The following ZMYND12 variants were observed in gnomAD, a reference collection of about 807,000 sequenced individuals.
The protein encoded by ZMYND12 is zinc finger MYND domain-containing protein 12.
A neutral mutation model predicts 41.7 loss-of-function variants in ZMYND12; 32 were observed. That is an observed-to-expected ratio of 0.77 (90% CI 0.58 to 1.03). The LOEUF is 1.03. ZMYND12 is among the 50% of genes least tolerant of loss of function. The pLI is 0.00. For synonymous variants in ZMYND12, 148 were observed against 164.8 expected (o/e 0.90, Z 0.78); for missense variants, 424 against 438.5 (o/e 0.97, Z 0.30).
chr1:42,455,831 G>A (rs1347842646), intron 1 of ZMYND12, 57 bp downstream of exon 1: 15 of 1,379,048 alleles, frequency 1.1e-5, no homozygotes, highest in African/African-American at 2.9e-5. Flanking sequence ...AGCCAGACCC[G>A]GGAAAGGGAG....
chr1:42,448,511 A>G lies in ZMYND12; in HGVS notation c.380T>C (p.Val127Ala), dbSNP rs144825054. 1.5e-4 allele frequency: 247 copies of G among 1,611,660 alleles called. No individual in the cohort carries two copies. Among genetic ancestry groups the G allele is most frequent in the Non-Finnish European group, 1.9e-4 (224 of 1,178,908 alleles). ...FRVKLYGLSS[V>A]ELVPAYLLLA... Reference sequence around the variant, plus strand: ...CAGCAGGTAAGCAGGCACAAGCTCTACGGAGCTCAGGCCATACAGCTTCAC... The same window carrying G: ...CAGCAGGTAAGCAGGCACAAGCTCTGCGGAGCTCAGGCCATACAGCTTCAC... Residue 127 changes from valine (V) to alanine (A), a missense_variant, in exon 3 of 8, where the codon GTA becomes GCA. By Grantham distance (64) the Val-to-Ala change is moderately conservative (BLOSUM62 0). Coordinates refer to ENST00000372565, the MANE Select transcript of ZMYND12 (RefSeq NM_032257.5).
At position 42,450,147 on chromosome 1, in the gene ZMYND12, C is replaced by A. The variant is rs1014888644; in HGVS notation, c.111-88G>T. Reference sequence around the variant, plus strand: ...CCTCCTACTGGCCTATCCCTAGACACCAGAAAAGTAAGCCAAATACAAACC... The same window carrying A: ...CCTCCTACTGGCCTATCCCTAGACAACAGAAAAGTAAGCCAAATACAAACC... On this transcript the variant is annotated intron_variant, in intron 1 of 7. Coordinates refer to ENST00000372565, the MANE Select transcript of ZMYND12 (RefSeq NM_032257.5). 11 of 1,485,948 alleles carry A rather than the reference C, an allele frequency of 7.4e-6. No individual in the cohort carries two copies. In the Admixed American group the frequency reaches 1.5e-4, roughly 21 times the overall value. The allele number at this position is 1,485,948 out of a possible 1,614,324, so 92.0% of individuals were successfully genotyped here.
At chr1:42,438,858 A>G (rs1447074276) in intron 4 of ZMYND12, among the ~76,000 whole-genome samples, 5 of 152,218 alleles carry the variant, frequency 3.3e-5, no homozygotes. Context: ...GTCTGACTCT[A>G]CGCTAACTCA....
chr1:42,430,867 G>T lies in ZMYND12; in HGVS notation c.976-9C>A. ...ATGCCATATTCCTGTGCCTGAAATAGAATTGCAGTGACAAAAGGAAGTTGT... is the reference window on the plus strand; with the variant it reads ...ATGCCATATTCCTGTGCCTGAAATATAATTGCAGTGACAAAAGGAAGTTGT... On this transcript the variant is annotated splice_polypyrimidine_tract_variant and intron_variant, in intron 7 of 7. Coordinates refer to ENST00000372565, the MANE Select transcript of ZMYND12 (RefSeq NM_032257.5). 1 of 1,613,762 alleles carries T rather than the reference G, an allele frequency of 6.2e-7. No individual in the cohort carries two copies. The highest frequency in any genetic ancestry group is 1.1e-5 in the South Asian group (1 of 91,050).
At chr1:42,454,816 G>C (rs1643133512) in intron 1 of ZMYND12, among the ~76,000 whole-genome samples, 3 of 151,164 alleles carry the variant, frequency 2.0e-5, no homozygotes, top group African/African-American at 7.3e-5. Flanking sequence ...CGATTCTCCT[G>C]CTTCAGCCTC....
At position 42,439,924 on chromosome 1, in the gene ZMYND12, G is replaced by A. The variant is rs550170291; in HGVS notation, c.526C>T (p.Arg176Trp). 60 of 1,614,100 alleles carry A rather than the reference G, an allele frequency of 3.7e-5. No homozygotes were observed. The highest frequency in any genetic ancestry group is 4.6e-5 in the Non-Finnish European group (54 of 1,180,030). Residue 176 changes from arginine to tryptophan, a missense_variant, in exon 4 of 8, where the codon CGG becomes TGG. Physicochemically the swap from Arg to Trp is moderately radical, Grantham distance 101. Coordinates refer to ENST00000372565, the MANE Select transcript of ZMYND12 (RefSeq NM_032257.5). ...GCTATATAGAGAAGTCCCAGATTCC[G>A]ATGCAGTAAAGAGTGGGTGGCATTA... ...CSNATHSLLH[R>W]NLGLLYIAKK...
rs1010907041 is a variant in ZMYND12 at position 42,440,176 on chromosome 1, A to G, written c.425-151T>C. On this transcript the variant is annotated intron_variant, in intron 3 of 7. Transcript: ENST00000372565. ...CATACAGGAATGTTCACAGCAGCCT[A>G]TTTGGAAGAGTAAAAAAAAAAAAAA... The G allele has an allele frequency of 5.6e-6, 4 of 713,898 alleles. No individual in the cohort carries two copies. In the Admixed American group the frequency reaches 1.6e-4, roughly 28 times the overall value. The allele number at this position is 713,898 out of a possible 1,614,324, so 44.2% of individuals were successfully genotyped here.
At chr1:42,439,259 TTCTC>T (rs935759143) in intron 4 of ZMYND12, among the ~76,000 whole-genome samples, 1 of 142,676 alleles carries the variant, frequency 7.0e-6, no homozygotes, top group Non-Finnish European at 1.5e-5. Context: ...AGCAAAGCCC[TTCTC>T]TCTCTCTCTT....
chr1:42,438,462 GGAA>G (rs1642930530), intron 4 of ZMYND12, among the ~76,000 whole-genome samples: 3 of 152,184 alleles, frequency 2.0e-5, no homozygotes, highest in Admixed American at 2.0e-4. Context: ...CTAGCACTAT[GGAA>G]GAAGGCTGCC....
intron 2 of ZMYND12, among the ~76,000 whole-genome samples, chr1:42,449,517 A>G (rs545334337): frequency 1.5e-4 from 23 of 152,344 alleles, no homozygotes; most frequent in Admixed American, 1.5e-3. Flanking sequence ...TGGACACACA[A>G]AGAGATACCA....
chr1:42,445,741 C>G (rs939745269), intron 3 of ZMYND12, among the ~76,000 whole-genome samples: 5 of 152,084 alleles, frequency 3.3e-5, no homozygotes, highest in Admixed American at 1.3e-4. Flanking sequence ...CAAGCAGAGC[C>G]TCATGGGTTG....
At chr1:42,439,411 A>G (rs946820454) in intron 4 of ZMYND12, among the ~76,000 whole-genome samples, 1 of 152,152 alleles carries the variant, frequency 6.6e-6, no homozygotes, top group Non-Finnish European at 1.5e-5. Context: ...GACTACAGGC[A>G]TGCACCACCA....
intron 3 of ZMYND12, among the ~76,000 whole-genome samples, chr1:42,444,405 T>C (rs1363830275): frequency 6.6e-6 from 1 of 152,232 alleles, no homozygotes; most frequent in African/African-American, 2.4e-5. Context: ...AAGTGATTTC[T>C]TTAGACTTCC....
intron 7 of ZMYND12, among the ~76,000 whole-genome samples, chr1:42,431,615 C>T (rs1642850492): frequency 6.6e-6 from 1 of 152,100 alleles, no homozygotes; most frequent in Admixed American, 6.5e-5. Flanking sequence ...TAGATGTGTG[C>T]CTTTTGTCTA....
chr1:42,440,412 CATTTATATGAAATGTCCAG>C (rs1642956641), intron 3 of ZMYND12, among the ~76,000 whole-genome samples: 1 of 152,044 alleles, frequency 6.6e-6, no homozygotes. Context: ...TGTATGATTC[CATTTATATGAAATGTCCAG>C]AATAGGCAAA....
At chr1:42,449,878 G>A (rs201019771) in intron 2 of ZMYND12, 40 bp downstream of exon 2, 40 of 1,601,730 alleles carry the variant, frequency 2.5e-5, no homozygotes, top group East Asian at 1.8e-4. Flanking sequence ...CAGCTTCACC[G>A]CACCTACGAC....
At chr1:42,450,791 G>GTTTTCA (rs1328386001) in intron 1 of ZMYND12, among the ~76,000 whole-genome samples, 1 of 151,970 alleles carries the variant, frequency 6.6e-6, no homozygotes, top group African/African-American at 2.4e-5. Context: ...TGTTGTTTTT[G>GTTTTCA]TTTTCATTTA....
At chr1:42,452,269 G>A (rs1400732935) in intron 1 of ZMYND12, among the ~76,000 whole-genome samples, 1 of 152,186 alleles carries the variant, frequency 6.6e-6, no homozygotes, top group Non-Finnish European at 1.5e-5. Context: ...GAATGGTGAA[G>A]TGGTATTCAA....
chr1:42,439,329 G>C (rs1177308710), intron 4 of ZMYND12, among the ~76,000 whole-genome samples: 3 of 151,016 alleles, frequency 2.0e-5, no homozygotes, highest in African/African-American at 7.3e-5. Context: ...GCAGTGGCGC[G>C]ATCTCGGCTC....
Sources: allele counts gnomAD v4.1 joint callset (sites outside exome capture counted in the v4.1 genomes callset), GRCh38; gene constraint gnomAD v4.1.1; transcripts MANE v1.5; gene names NCBI Gene and HGNC (gene_info 2026-07-23, HGNC 2026-07-21).